Variants in ACAA1 observed in about 807,000 individuals in gnomAD.
The protein encoded by ACAA1 is acetyl-CoA acyltransferase 1, also known as 3-ketoacyl-CoA thiolase, peroxisomal.
Under a neutral mutation model 48.8 loss-of-function variants are expected in ACAA1, and 44 were observed. The ratio of observed to expected loss-of-function variants is 0.90; its 90% confidence interval spans 0.71 to 1.16. The LOEUF is 1.16. Ranked by LOEUF, ACAA1 falls within the 50% of genes most tolerant of loss-of-function variation. The probability of loss-of-function intolerance (pLI) is 0.00; values close to 1 mark genes in which losing one functional copy is unlikely to be tolerated. For missense variants in ACAA1, 512 were observed against 562.3 expected, an observed-to-expected ratio of 0.91 and a Z score of 0.90; for synonymous variants, 233 against 226.5, an observed-to-expected ratio of 1.03 and a Z score of -0.26.
In ACAA1 at chr3:38,122,741, A is replaced by G; in HGVS notation, c.*306T>C. The G allele has an allele frequency of 7.7e-7, 1 of 1,295,440 alleles. No homozygotes were observed. Among genetic ancestry groups the G allele is most frequent in the Non-Finnish European group, 1.0e-6 (1 of 981,840 alleles). 80.2% of individuals were successfully genotyped at this position (1,295,440 alleles called of 1,614,324 possible). A position where few individuals can be genotyped will look rare whatever the true frequency, so the allele number is the denominator to read the frequency against. On this transcript the variant is annotated 3_prime_UTR_variant, in exon 12 of 12. Coordinates refer to ENST00000333167, the MANE Select transcript of ACAA1 (RefSeq NM_001607.4). ...AAATTCATGCACTTTTACTATGCCC[A>G]TTGCACTTCTCATCCATGGATTTGC...
In ACAA1 at chr3:38,127,840, C is replaced by CGGTT; in HGVS notation, c.571_572insAACC (p.Arg191GlnfsTer33). On this transcript the variant is annotated frameshift_variant, in exon 7 of 12. Transcript: ENST00000333167. LOFTEE classifies it high-confidence loss of function. The stretch of plus-strand genomic sequence containing the variant: ...CTGCTTCTCCCGTGAAATGCCAAAC[C>CGGTT]GCTCAGCCACATTCTCAGAGGTTAT... 1 of 1,614,174 alleles carries CGGTT rather than the reference C, an allele frequency of 6.2e-7. No homozygotes were observed. The highest frequency in any genetic ancestry group is 8.5e-7 in the Non-Finnish European group (1 of 1,180,028).
chr3:38,134,195 T>G, intron 2 of ACAA1, 186 bp from the exon 3 acceptor site: 1 of 613,260 alleles, frequency 1.6e-6, no homozygotes, highest in South Asian at 2.0e-5. Context: ...CAGCTTGTCC[T>G]GGTCATCCAC....
At chr3:38,132,040 C>T (rs1383779182) in intron 3 of ACAA1, 35 bp from the exon 4 acceptor site, 4 of 1,571,774 alleles carry the variant, frequency 2.5e-6, no homozygotes, top group African/African-American at 1.3e-5. Flanking sequence ...AATCAGCCCC[C>T]AATTCCATGC....
chr3:38,126,337 G>C lies in ACAA1; in HGVS notation c.822C>G (p.Asn274Lys). The C allele has an allele frequency of 6.2e-7, 1 of 1,613,552 alleles. No individual in the cohort carries two copies. The highest frequency in any genetic ancestry group is 2.2e-5 in the East Asian group (1 of 44,874). Residue 274 changes from asparagine (N) to lysine (K), a missense_variant, in exon 9 of 12, where the codon AAC becomes AAG. Coordinates refer to ENST00000333167, the MANE Select transcript of ACAA1 (RefSeq NM_001607.4). The surrounding 1 kb of genome is among the most constrained non-coding windows in gnomAD (Gnocchi z 4.7). ...FKKDGSTTAG[N>K]SSQVSDGAAA... ...CTGCCCCATCACTCACCTGGCTAGA[G>C]TTTCCTAGGGGCAAACTGTTGGGGT...
Position 38,129,471 on chromosome 3 carries a change from G to C in ACAA1, c.447-83C>G, listed in dbSNP as rs957919811. 13 of 1,151,142 alleles carry C rather than the reference G, an allele frequency of 1.1e-5. 1 individual carries two copies. The South Asian group carries it at 1.7e-4, about 15-fold the overall frequency. The allele number at this position is 1,151,142 out of a possible 1,614,324, so 71.3% of individuals were successfully genotyped here. On this transcript the variant is annotated intron_variant, in intron 5 of 11. Transcript: ENST00000333167. The surrounding 1 kb of genome is among the most constrained non-coding windows in gnomAD (Gnocchi z 5.3). ...CCAGAGATAGCTGAACACTTGGCAA[G>C]TGCTAGGAAATAGCCAGGGAGCCCT...
At chr3:38,135,021 C>T (rs1434413343) in intron 2 of ACAA1, among the ~76,000 whole-genome samples, 1 of 152,046 alleles carries the variant, frequency 6.6e-6, no homozygotes. Context: ...AGGAGAAAAC[C>T]GCCCTGTGGC....
intron 2 of ACAA1, among the ~76,000 whole-genome samples, chr3:38,136,160 G>A (rs999022728): frequency 2.6e-5 from 4 of 152,146 alleles, no homozygotes; most frequent in African/African-American, 9.7e-5. Context: ...CACAGGGTTG[G>A]GGCTAAGGCT....
At position 38,136,949 on chromosome 3, in the gene ACAA1, A is replaced by G. The variant is rs1370090027; in HGVS notation, c.87T>C (p.Gly29=). The change falls in exon 1 of 12, where the codon GGT becomes GGC. Residue 29 remains glycine, a synonymous_variant. Coordinates refer to ENST00000333167, the MANE Select transcript of ACAA1 (RefSeq NM_001607.4). ...WMPQAAPCLS[G]APQASAADVV... is the part of the protein sequence containing the mutation. ...CGTCCGCGGCCGAGGCCTGCGGGGC[A>G]CCGCTCAGGCAAGGCGCGGCCTGCG... 3 of 1,546,764 alleles carry G rather than the reference A, an allele frequency of 1.9e-6. No individual in the cohort carries two copies. The highest frequency in any genetic ancestry group is 1.9e-4 in the Middle Eastern group (1 of 5,220).
chr3:38,134,045 T>C, intron 2 of ACAA1, 36 bp from the exon 3 acceptor site: 1 of 1,599,098 alleles, frequency 6.3e-7, no homozygotes, highest in Non-Finnish European at 8.5e-7. Flanking sequence ...TGCCAGGCGG[T>C]GGTGTTCTGG....
At chr3:38,124,293 G>A (rs995924958) in intron 11 of ACAA1, 4 of 152,100 alleles carry the variant, frequency 2.6e-5, no homozygotes, top group Admixed American at 6.5e-5. Context: ...GACAACCTAC[G>A]TCTTTTGATG....
chr3:38,135,899 G>C (rs1311872086), intron 2 of ACAA1, among the ~76,000 whole-genome samples: 1 of 152,142 alleles, frequency 6.6e-6, no homozygotes. Context: ...GGGACTGTAA[G>C]GTCTTTCCCT....
chr3:38,127,401 T>C (rs1421752556), intron 7 of ACAA1, among the ~76,000 whole-genome samples: 2 of 152,166 alleles, frequency 1.3e-5, no homozygotes, highest in Non-Finnish European at 2.9e-5. Flanking sequence ...TTCTCTGATA[T>C]CGTCCTCAGT....
intron 3 of ACAA1, chr3:38,132,615 G>A (rs896264439): frequency 6.6e-6 from 1 of 152,254 alleles, no homozygotes; most frequent in Non-Finnish European, 1.5e-5. Context: ...AGCCCTGGAA[G>A]CTAGTAGGGC....
At position 38,126,580 on chromosome 3, in the gene ACAA1, G is replaced by A. The variant is rs1559475724; in HGVS notation, c.747C>T (p.Arg249=). The change falls in exon 8 of 12, where the codon CGC becomes CGT. Residue 249 remains arginine, a synonymous_variant. Transcript: ENST00000333167. The surrounding 1 kb of genome is among the most constrained non-coding windows in gnomAD (Gnocchi z 4.7). The part of the protein sequence containing the change: ...SITVTQDEGI[R]PSTTMEGLAK... ...CCAGGCCCTCCATGGTGGTGCTGGG[G>A]CGGATACCCTCATCCTGGGTCACAG... 2 of 1,614,196 alleles carry A rather than the reference G, an allele frequency of 1.2e-6. No individual in the cohort carries two copies. The highest frequency in any genetic ancestry group is 2.7e-5 in the African/African-American group (2 of 75,048).
chr3:38,126,563 T>A lies in ACAA1; in HGVS notation c.764A>T (p.Glu255Val). ...DEGIRPSTTM[E>V]GLAKLKPAFK... ...GGCAGGCTTCAGTTTGGCCAGGCCC[T>A]CCATGGTGGTGCTGGGGCGGATACC... The change falls in exon 8 of 12, where the codon GAG becomes GTG. Residue 255 changes from glutamate to valine, a missense_variant. By Grantham distance (121) the Glu-to-Val change is moderately radical (BLOSUM62 -2). Transcript: ENST00000333167. The surrounding 1 kb of genome is among the most constrained non-coding windows in gnomAD (Gnocchi z 4.7). 6.2e-7 allele frequency: 1 copy of A among 1,614,156 alleles called. No homozygotes were observed.
In ACAA1 at chr3:38,126,926, G is replaced by A. The variant is rs534810482; in HGVS notation, c.627-226C>T. 6.6e-6 allele frequency among the ~76,000 whole-genome samples: 1 copy of A among 152,284 alleles called. No individual in the cohort carries two copies. Among genetic ancestry groups the A allele is most frequent in the African/African-American group, 2.4e-5 (1 of 41,574 alleles). ...AATCCCAACCTCAAAGGGGGGAAAG[G>A]GTGTTTGGAAGTGGTGCCTCCACTT... is the stretch of plus-strand genomic sequence containing the variant. On this transcript the variant is annotated intron_variant, in intron 7 of 11. Coordinates refer to ENST00000333167, the MANE Select transcript of ACAA1 (RefSeq NM_001607.4). This position sits in a 1 kb window ranked among gnomAD's most constrained non-coding sequence, Gnocchi z 4.7.
chr3:38,134,266 G>A, intron 2 of ACAA1: 1 of 555,064 alleles, frequency 1.8e-6, no homozygotes, highest in Non-Finnish European at 3.2e-6. Context: ...TTCCAAATCA[G>A]CACAGATGGG....
In ACAA1 at chr3:38,127,794, G is replaced by C; in HGVS notation, c.618C>G (p.Ser206=). ...CCCCAATCAGCACTCACTTCTGCTG[G>C]GAAGCCAGGGCAAAGGTATCCTGCT... is the stretch of plus-strand genomic sequence containing the variant. ...REKQDTFALA[S]QQKAARAQSK... Residue 206 remains serine (S), a synonymous_variant, in exon 7 of 12, where the codon TCC becomes TCG. Coordinates refer to ENST00000333167, the MANE Select transcript of ACAA1 (RefSeq NM_001607.4). 6.2e-7 allele frequency: 1 copy of C among 1,614,072 alleles called. No individual in the cohort carries two copies. Among genetic ancestry groups the C allele is most frequent in the Non-Finnish European group, 8.5e-7 (1 of 1,179,990 alleles).
intron 2 of ACAA1, among the ~76,000 whole-genome samples, chr3:38,134,827 C>A (rs1301739323): frequency 6.6e-6 from 1 of 152,198 alleles, no homozygotes; most frequent in Non-Finnish European, 1.5e-5. Context: ...AGGTTTCCCC[C>A]CACTGAGACA....
Sources: allele counts gnomAD v4.1 joint callset (sites outside exome capture counted in the v4.1 genomes callset), GRCh38; gene constraint gnomAD v4.1.1; non-coding constraint Gnocchi (gnomAD v3.1); transcripts MANE v1.5; gene names NCBI Gene and HGNC (gene_info 2026-07-23, HGNC 2026-07-21).